PTPRT: variants seen among roughly 807,000 people sequenced by gnomAD.
PTPRT encodes the protein receptor-type tyrosine-protein phosphatase T.
In PTPRT, 56 loss-of-function variants were observed where a neutral mutation model predicts 176.8. That is an observed-to-expected ratio of 0.32 (90% CI 0.26 to 0.40). The LOEUF (loss-of-function observed/expected upper bound fraction) is 0.40, where lower values mean the gene tolerates loss of function less well. Among genes scored for constraint, PTPRT ranks in the 10% least tolerant of loss-of-function variants. PTPRT has a pLI of 1.00. For missense variants in PTPRT, 1,540 were observed against 1,908.2 expected (o/e 0.81, Z 3.60); for synonymous variants, 783 against 739.0 (o/e 1.06, Z -0.96).
Position 42,080,767 on chromosome 20 carries a change from A to G in PTPRT, c.*112T>C. On this transcript the variant is annotated 3_prime_UTR_variant, in exon 31 of 31. Coordinates refer to ENST00000373187, the MANE Select transcript of PTPRT (RefSeq NM_007050.6). Reference sequence around the variant, plus strand: ...ACAGGGCCACCAGTCTTCTCCTTGGAGTCAGGCAGGGTGCCACCTCAGAGC... The same window carrying G: ...ACAGGGCCACCAGTCTTCTCCTTGGGGTCAGGCAGGGTGCCACCTCAGAGC... 9.4e-7 allele frequency: 1 copy of G among 1,058,876 alleles called. No homozygotes were observed. Among genetic ancestry groups the G allele is most frequent in the Non-Finnish European group, 1.4e-6 (1 of 698,396 alleles). 65.6% of individuals were successfully genotyped at this position (1,058,876 alleles called of 1,614,324 possible). A position where few individuals can be genotyped will look rare whatever the true frequency, so the allele number is the denominator to read the frequency against.
intron 7 of PTPRT, among the ~76,000 whole-genome samples, chr20:42,611,568 C>T (rs1333199578): frequency 8.3e-6 from 1 of 121,110 alleles, no homozygotes; most frequent in Non-Finnish European, 1.5e-5. Context: ...TCCCAGTCCA[C>T]TCTCAGGCCC....
chr20:42,145,218 G>A (rs961758544), intron 17 of PTPRT, among the ~76,000 whole-genome samples: 4 of 152,168 alleles, frequency 2.6e-5, no homozygotes, highest in African/African-American at 9.7e-5. Flanking sequence ...AATAGGTGTT[G>A]GGGCCAGACG....
intron 1 of PTPRT, among the ~76,000 whole-genome samples, chr20:43,068,504 C>CCA (rs528254153): frequency 7.1e-5 from 4 of 56,526 alleles, no homozygotes; most frequent in African/African-American, 2.0e-4. Context: ...GACTCTGTCT[C>CCA]AAAAAAAAAA....
At chr20:42,766,361 C>T (rs1267913781) in intron 5 of PTPRT, among the ~76,000 whole-genome samples, 2 of 152,188 alleles carry the variant, frequency 1.3e-5, no homozygotes, top group Non-Finnish European at 2.9e-5. Context: ...CAAGAAGAAC[C>T]TGCTTATAAT....
intron 9 of PTPRT, among the ~76,000 whole-genome samples, chr20:42,446,867 T>C (rs112409726): frequency 3.0e-4 from 46 of 152,176 alleles, no homozygotes; most frequent in African/African-American, 1.1e-3. Context: ...GTTTCCTCCT[T>C]CCATCTGGTA....
chr20:42,885,299 A>G (rs1237234663), intron 2 of PTPRT, among the ~76,000 whole-genome samples: 2 of 147,630 alleles, frequency 1.4e-5, no homozygotes, highest in Non-Finnish European at 3.0e-5. Context: ...ATCTGACTGT[A>G]GAAGTCTCCC....
chr20:42,992,613 C>T (rs1237072883), intron 1 of PTPRT, among the ~76,000 whole-genome samples: 2 of 152,212 alleles, frequency 1.3e-5, no homozygotes, highest in East Asian at 1.9e-4. Flanking sequence ...AAAAAGAAAT[C>T]GGAGGATTGG....
At chr20:42,797,548 CG>C (rs1284133879) in intron 2 of PTPRT, among the ~76,000 whole-genome samples, 5 of 151,940 alleles carry the variant, frequency 3.3e-5, no homozygotes, top group South Asian at 2.1e-4. Context: ...CACCCTCCCC[CG>C]CAAACACAGT....
chr20:42,125,630 A>C (rs1199682323), intron 19 of PTPRT, among the ~76,000 whole-genome samples: 1 of 152,230 alleles, frequency 6.6e-6, no homozygotes, highest in Non-Finnish European at 1.5e-5. Flanking sequence ...TCCTGTCTTT[A>C]AAGGCTTGAA....
At chr20:42,397,683 A>T (rs1316176497) in intron 9 of PTPRT, among the ~76,000 whole-genome samples, 2 of 152,128 alleles carry the variant, frequency 1.3e-5, no homozygotes, top group African/African-American at 4.8e-5. Context: ...GCTTTATTTG[A>T]TCCTCCATTA....
intron 7 of PTPRT, among the ~76,000 whole-genome samples, chr20:42,534,996 G>A (rs2072451429): frequency 6.6e-6 from 1 of 152,196 alleles, no homozygotes; most frequent in Non-Finnish European, 1.5e-5. Context: ...CGGAAAGTGA[G>A]CCCTGCTGTT....
At chr20:42,301,061 A>G (rs777378664) in intron 12 of PTPRT, among the ~76,000 whole-genome samples, 1 of 152,186 alleles carries the variant, frequency 6.6e-6, no homozygotes, top group Non-Finnish European at 1.5e-5. Context: ...ATGCTAAAAG[A>G]TGAAAGTTTG....
intron 1 of PTPRT, among the ~76,000 whole-genome samples, chr20:43,012,686 C>T (rs1985187775): frequency 6.6e-6 from 1 of 152,170 alleles, no homozygotes; most frequent in Non-Finnish European, 1.5e-5. Context: ...CTGGTGTCTG[C>T]TCAGTTCCCC....
intron 11 of PTPRT, among the ~76,000 whole-genome samples, chr20:42,326,797 G>A (rs536721241): frequency 6.6e-6 from 1 of 152,158 alleles, no homozygotes; most frequent in South Asian, 2.1e-4. Context: ...GTCAATTCTT[G>A]CCAAATTGAT....
chr20:42,309,657 C>T (rs915464477), intron 12 of PTPRT, among the ~76,000 whole-genome samples: 1 of 152,138 alleles, frequency 6.6e-6, no homozygotes, highest in Non-Finnish European at 1.5e-5. Flanking sequence ...GTATATATTA[C>T]TATTTCAATT....
At chr20:42,447,932 C>G (rs1186444290) in intron 9 of PTPRT, among the ~76,000 whole-genome samples, 1 of 152,196 alleles carries the variant, frequency 6.6e-6, no homozygotes, top group East Asian at 1.9e-4. Context: ...TTCTCTTCCA[C>G]ATAAGAACAA....
intron 11 of PTPRT, among the ~76,000 whole-genome samples, chr20:42,329,892 G>T (rs935714717): frequency 3.3e-5 from 5 of 152,120 alleles, no homozygotes; most frequent in Non-Finnish European, 7.4e-5. Context: ...AAGGATCAAA[G>T]ATAGGAATAT....
chr20:43,028,463 C>G (rs1400383176), intron 1 of PTPRT, among the ~76,000 whole-genome samples: 2 of 152,294 alleles, frequency 1.3e-5, no homozygotes, highest in African/African-American at 4.8e-5. Context: ...CCTCCAATAT[C>G]CTGCACTATC....
intron 1 of PTPRT, among the ~76,000 whole-genome samples, chr20:43,009,152 C>T (rs1345975755): frequency 2.0e-5 from 3 of 152,170 alleles, no homozygotes; most frequent in Non-Finnish European, 2.9e-5. Context: ...ATGAATTTTT[C>T]CCCAGCAGCT....
Sources: gnomAD v4.1 joint callset for allele counts (sites outside exome capture counted in the v4.1 genomes callset) on GRCh38, gnomAD v4.1.1 for gene constraint, MANE v1.5 for transcripts, NCBI Gene and HGNC (gene_info 2026-07-23, HGNC 2026-07-21) for gene names.